NDST4: variants seen among roughly 807,000 people sequenced by gnomAD.
NDST4 encodes the protein N-deacetylase and N-sulfotransferase 4, also known as N-heparan sulfate sulfotransferase 4.
A neutral mutation model predicts 100.8 loss-of-function variants in NDST4; 63 were observed. The ratio of observed to expected loss-of-function variants is 0.62; its 90% CI spans 0.51 to 0.77. The LOEUF (loss-of-function observed/expected upper bound fraction) is 0.77. Among genes scored for constraint, NDST4 ranks in the 30% least tolerant of loss-of-function variants. The probability of loss-of-function intolerance (pLI) is 0.00; values close to 1 mark genes in which losing one functional copy is unlikely to be tolerated. For synonymous variants in NDST4, 377 were observed against 361.8 expected (o/e 1.04, Z -0.48); for missense variants, 943 against 1,018.4 (o/e 0.93, Z 1.01).
rs527696647 is a variant in NDST4 at position 114,975,018 on chromosome 4, A to G, written c.1066+2169T>C. On this transcript the variant is annotated intron_variant, in intron 3 of 13. Coordinates refer to ENST00000264363, the MANE Select transcript of NDST4 (RefSeq NM_022569.3). ...ATGGTTACACATCACAGCCAAGTGC[A>G]CATGTAAGGAATGCACCTCCTTGAT... Among the ~76,000 whole-genome samples the G allele has an allele frequency of 8.7e-4, 132 of 152,252 alleles. 1 individual carries two copies. Among genetic ancestry groups the G allele is most frequent in the Non-Finnish European group, 1.6e-3 (107 of 67,988 alleles).
At chr4:115,085,894 T>C (rs866300071) in intron 1 of NDST4, among the ~76,000 whole-genome samples, 2 of 152,168 alleles carry the variant, frequency 1.3e-5, no homozygotes, top group Non-Finnish European at 1.5e-5. Context: ...AATAGAAATA[T>C]TGTCATACTT....
chr4:114,849,868 T>C (rs772960567), intron 8 of NDST4, among the ~76,000 whole-genome samples: 9 of 152,080 alleles, frequency 5.9e-5, no homozygotes, highest in Admixed American at 5.9e-4. Flanking sequence ...CACTGAAAAA[T>C]ACAGATGTAA....
intron 2 of NDST4, among the ~76,000 whole-genome samples, chr4:115,030,045 A>G (rs543685752): frequency 2.9e-4 from 44 of 152,224 alleles, no homozygotes; most frequent in African/African-American, 7.0e-4. Flanking sequence ...TTTTGTTATT[A>G]CTGTTTTATG....
Position 115,101,221 on chromosome 4 carries a change from G to C in NDST4, c.-247+12223C>G, listed in dbSNP as rs188655620. Among the ~76,000 whole-genome samples, 596 of 152,208 alleles carry C rather than the reference G, an allele frequency of 3.9e-3. 3 individuals carry two copies. Among genetic ancestry groups the C allele is most frequent in the African/African-American group, 0.013 (552 of 41,574 alleles). On this transcript the variant is annotated intron_variant, in intron 1 of 13. Transcript: ENST00000264363. ...TAAAAAGGCAATTGCAATAAGGCATGATAAGTGTAATAGTGGGGAAGATAC... is the reference window on the plus strand; with the variant it reads ...TAAAAAGGCAATTGCAATAAGGCATCATAAGTGTAATAGTGGGGAAGATAC...
At chr4:115,014,589 A>G (rs1481988363) in intron 2 of NDST4, among the ~76,000 whole-genome samples, 3 of 152,040 alleles carry the variant, frequency 2.0e-5, no homozygotes, top group Non-Finnish European at 4.4e-5. Flanking sequence ...AGAACAGAAA[A>G]AGGCTCTGCA....
At chr4:114,997,244 T>C (rs1727184660) in intron 2 of NDST4, among the ~76,000 whole-genome samples, 1 of 152,064 alleles carries the variant, frequency 6.6e-6, no homozygotes. Context: ...AACCCAAAAC[T>C]TCCACAATGT....
chr4:114,894,330 C>T (rs1013836587), intron 6 of NDST4, among the ~76,000 whole-genome samples: 5 of 152,070 alleles, frequency 3.3e-5, no homozygotes, highest in African/African-American at 9.7e-5. Flanking sequence ...TTACTTTGGG[C>T]AGTTTGGCCA....
In NDST4 at chr4:114,886,656, C is replaced by T. The variant is rs557761115; in HGVS notation, c.1537-15706G>A. Among the ~76,000 whole-genome samples the T allele has an allele frequency of 5.3e-5, 8 of 152,056 alleles. No homozygotes were observed. The East Asian group carries it at 1.4e-3, about 26-fold the overall frequency. ...TTACAGTTTGTGGTTTTGCTCATTA[C>T]CATGTAGTTTTTGATAGATGGGAAA... On this transcript the variant is annotated intron_variant, in intron 6 of 13. Transcript: ENST00000264363.
chr4:114,828,067 T>C lies in NDST4; in HGVS notation c.2500-132A>G, dbSNP rs1723119950. ...CAACATATTATATTTCTTGTATTTT[T>C]CCTCAAATATCAGTTATTTTTACCT... On this transcript the variant is annotated intron_variant, in intron 13 of 13. Coordinates refer to ENST00000264363, the MANE Select transcript of NDST4 (RefSeq NM_022569.3). The C allele has an allele frequency of 1.8e-5, 15 of 820,374 alleles. No individual in the cohort carries two copies. In the East Asian group the frequency reaches 4.4e-4, roughly 24 times the overall value. The allele number at this position is 820,374 out of a possible 1,614,324, so 50.8% of individuals were successfully genotyped here.
Position 115,076,253 on chromosome 4 carries a change from G to T in NDST4, c.784C>A (p.Leu262Ile). The part of the protein sequence containing the change: ...LFATVIQDLG[L>I]HDGIQRVLFG... ...AGTACTCTCTGAATTCCATCATGAA[G>T]CCCCAGATCCTGAATCACCGTTGCA... The change falls in exon 2 of 14, where the codon CTT (leucine) becomes ATT (isoleucine). Residue 262 changes from leucine (L) to isoleucine (I), a missense_variant. By Grantham distance (5) the Leu-to-Ile change is conservative. Transcript: ENST00000264363. 1.2e-6 allele frequency: 2 copies of T among 1,613,970 alleles called. No individual in the cohort carries two copies. Among genetic ancestry groups the T allele is most frequent in the Non-Finnish European group, 1.7e-6 (2 of 1,179,936 alleles).
At chr4:115,048,606 G>A (rs1386840402) in intron 2 of NDST4, among the ~76,000 whole-genome samples, 2 of 151,876 alleles carry the variant, frequency 1.3e-5, no homozygotes, top group South Asian at 2.1e-4. Context: ...ATTTTTGTGC[G>A]TGCAGCAAAA....
At chr4:114,909,717 T>C (rs907461321) in intron 6 of NDST4, among the ~76,000 whole-genome samples, 42 of 148,940 alleles carry the variant, frequency 2.8e-4, no homozygotes, top group Non-Finnish European at 5.9e-5. Context: ...TATAGATTAA[T>C]TCAATGGCCA....
At chr4:115,033,370 C>T (rs557520691) in intron 2 of NDST4, among the ~76,000 whole-genome samples, 2 of 151,464 alleles carry the variant, frequency 1.3e-5, no homozygotes, top group African/African-American at 4.8e-5. Context: ...CCCACCTCCA[C>T]CTCTCAAAGT....
chr4:114,876,563 T>G (rs1050973973), intron 6 of NDST4, among the ~76,000 whole-genome samples: 1 of 152,178 alleles, frequency 6.6e-6, no homozygotes, highest in African/African-American at 2.4e-5. Flanking sequence ...CTATTGATAA[T>G]AATTGTAGGC....
At chr4:114,912,873 G>A (rs1190157905) in intron 6 of NDST4, among the ~76,000 whole-genome samples, 1 of 151,996 alleles carries the variant, frequency 6.6e-6, no homozygotes, top group Non-Finnish European at 1.5e-5. Flanking sequence ...GGATGGATAG[G>A]TGAAAATGTT....
intron 6 of NDST4, among the ~76,000 whole-genome samples, chr4:114,933,421 T>A (rs922313676): frequency 1.4e-5 from 2 of 144,890 alleles, no homozygotes; most frequent in Non-Finnish European, 3.0e-5. Context: ...GGGAATTGAT[T>A]TTTTCTTTTC....
chr4:114,854,206 A>G (rs1354052326), intron 7 of NDST4, among the ~76,000 whole-genome samples: 1 of 152,190 alleles, frequency 6.6e-6, no homozygotes, highest in African/African-American at 2.4e-5. Context: ...AAGTTCTCAC[A>G]AATGCATGAG....
chr4:115,102,041 T>C (rs1729740459), intron 1 of NDST4, among the ~76,000 whole-genome samples: 1 of 152,170 alleles, frequency 6.6e-6, no homozygotes, highest in Admixed American at 6.5e-5. Flanking sequence ...TCCTTAATAT[T>C]ACAATGGAGT....
intron 6 of NDST4, among the ~76,000 whole-genome samples, chr4:114,876,399 C>T (rs1202220751): frequency 6.6e-6 from 1 of 152,050 alleles, no homozygotes; most frequent in Non-Finnish European, 1.5e-5. Flanking sequence ...TGGGCTTTGG[C>T]ATTGTACTCA....
Sources: allele counts gnomAD v4.1 joint callset (sites outside exome capture counted in the v4.1 genomes callset), GRCh38; gene constraint gnomAD v4.1.1; transcripts MANE v1.5; gene names NCBI Gene and HGNC (gene_info 2026-07-23, HGNC 2026-07-21).